DAGLA: variants seen among roughly 807,000 people sequenced by gnomAD.
DAGLA encodes diacylglycerol lipase-alpha.
DAGLA carries 22 observed loss-of-function variants against 102.6 expected under a neutral mutation model. The observed-to-expected ratio is 0.21, with a 90% confidence interval of 0.15 to 0.31. The LOEUF (loss-of-function observed/expected upper bound fraction) is 0.31, where lower values mean the gene tolerates loss of function less well. DAGLA is among the 10% of genes least tolerant of loss of function. The pLI is 1.00. For synonymous variants in DAGLA, 578 were observed against 628.9 expected (o/e 0.92, Z 1.21); for missense variants, 927 against 1,446.6 (o/e 0.64, Z 5.83).
In DAGLA at chr11:61,744,434, C is replaced by G; in HGVS notation, c.3074C>G (p.Thr1025Ser). The G allele has an allele frequency of 6.2e-6, 10 of 1,602,778 alleles. No individual in the cohort carries two copies. The highest frequency in any genetic ancestry group is 7.7e-6 in the Non-Finnish European group (9 of 1,173,182). Residue 1025 changes from threonine (T) to serine (S), a missense_variant, in exon 20 of 20, where the codon ACT becomes AGT. By Grantham distance (58) the Thr-to-Ser change is moderately conservative (BLOSUM62 1). Coordinates refer to ENST00000257215, the MANE Select transcript of DAGLA (RefSeq NM_006133.3). The stretch of plus-strand genomic sequence containing the variant: ...GACAAGATCCGGACTTCTACCCCCA[C>G]TGGCCACGGAGCCAGCCCCGCCAAG... The part of the protein sequence containing the change: ...AADKIRTSTP[T>S]GHGASPAKQD...
chr11:61,740,734 C>A (rs1591055022), intron 18 of DAGLA, 142 bp downstream of exon 18: 1 of 1,132,520 alleles, frequency 8.8e-7, no homozygotes, highest in Non-Finnish European at 1.3e-6. Context: ...GGCCAGAAAG[C>A]CCCACTCAAA....
chr11:61,696,819 G>T (rs1260900051), intron 1 of DAGLA, among the ~76,000 whole-genome samples: 2 of 152,160 alleles, frequency 1.3e-5, no homozygotes, highest in Non-Finnish European at 2.9e-5. Context: ...TAGGGGGCTG[G>T]GGGAGGACTG....
intron 1 of DAGLA, among the ~76,000 whole-genome samples, chr11:61,682,205 T>C (rs1294600437): frequency 1.3e-5 from 2 of 152,086 alleles, no homozygotes; most frequent in Non-Finnish European, 2.9e-5. Context: ...GCATGTCACA[T>C]GGTGGTCTGG....
intron 2 of DAGLA, 92 bp downstream of exon 2, chr11:61,720,342 C>A: frequency 7.6e-7 from 1 of 1,318,864 alleles, no homozygotes; most frequent in Admixed American, 1.8e-5. Context: ...CTGCTTGGGC[C>A]CAAGTCCCAA....
chr11:61,705,324 C>G (rs985547177), intron 1 of DAGLA, among the ~76,000 whole-genome samples: 1 of 152,214 alleles, frequency 6.6e-6, no homozygotes, highest in Admixed American at 6.5e-5. Flanking sequence ...TCTTCACCCT[C>G]GCACCCACCT....
intron 8 of DAGLA, 118 bp downstream of exon 8, chr11:61,729,126 G>T (rs1339269974): frequency 2.3e-6 from 2 of 854,740 alleles, no homozygotes; most frequent in Non-Finnish European, 3.9e-6. Context: ...CCCCTGCCCG[G>T]TCTCCCCCCG....
At chr11:61,689,791 A>T (rs1016802632) in intron 1 of DAGLA, among the ~76,000 whole-genome samples, 3 of 152,130 alleles carry the variant, frequency 2.0e-5, no homozygotes, top group African/African-American at 7.2e-5. Context: ...GGAGTGAGCC[A>T]CTGTGCCTGG....
At position 61,694,185 on chromosome 11, in the gene DAGLA, G is replaced by A. The variant is rs116262096; in HGVS notation, c.-45+13681G>A. ...GTAGGATTCGGGGAATCAGGGAGGC[G>A]TGGCATCTGAGTTCCCTGGGCCTCT... is the stretch of plus-strand genomic sequence containing the variant. On this transcript the variant is annotated intron_variant, in intron 1 of 19. Transcript: ENST00000257215. Among the ~76,000 whole-genome samples, 770 of 152,364 alleles carry A rather than the reference G, an allele frequency of 5.1e-3. 6 individuals carry two copies. The highest frequency in any genetic ancestry group is 0.018 in the African/African-American group (739 of 41,580).
chr11:61,728,815 G>C, intron 7 of DAGLA, 116 bp from the exon 8 acceptor site: 2 of 832,126 alleles, frequency 2.4e-6, no homozygotes, highest in Non-Finnish European at 4.0e-6. Context: ...CTGCATGCTC[G>C]TTTGGGCTTC....
chr11:61,700,060 G>T (rs1021247169), intron 1 of DAGLA, among the ~76,000 whole-genome samples: 1 of 152,220 alleles, frequency 6.6e-6, no homozygotes, highest in Non-Finnish European at 1.5e-5. Flanking sequence ...CCTCGCCCGC[G>T]CAGAGCATGT....
chr11:61,727,453 C>G (rs2065338083), intron 6 of DAGLA, among the ~76,000 whole-genome samples: 1 of 152,194 alleles, frequency 6.6e-6, no homozygotes, highest in South Asian at 2.1e-4. Context: ...CGTCTCCTAA[C>G]AGGTTAGGGA....
chr11:61,703,476 G>C (rs916422225), intron 1 of DAGLA, among the ~76,000 whole-genome samples: 48 of 152,236 alleles, frequency 3.2e-4, no homozygotes, highest in African/African-American at 1.2e-3. Context: ...CAGGCTAGAG[G>C]AGGAGTGAGG....
chr11:61,701,103 C>T (rs1178363702), intron 1 of DAGLA, among the ~76,000 whole-genome samples: 1 of 152,226 alleles, frequency 6.6e-6, no homozygotes, highest in African/African-American at 2.4e-5. Flanking sequence ...ATGGCCAGGC[C>T]CCATGTCCAG....
intron 1 of DAGLA, among the ~76,000 whole-genome samples, chr11:61,707,668 G>A (rs557281417): frequency 6.6e-6 from 1 of 152,390 alleles, no homozygotes; most frequent in South Asian, 2.1e-4. Flanking sequence ...GACAGGCACT[G>A]AGCAGGCCTC....
chr11:61,724,927 A>G (rs1182923647), intron 5 of DAGLA, among the ~76,000 whole-genome samples: 1 of 152,132 alleles, frequency 6.6e-6, no homozygotes, highest in Non-Finnish European at 1.5e-5. Flanking sequence ...TAGCCCTGGA[A>G]GACCCTGTTG....
chr11:61,708,068 C>T (rs903053442), intron 1 of DAGLA, among the ~76,000 whole-genome samples: 1 of 152,062 alleles, frequency 6.6e-6, no homozygotes, highest in Admixed American at 6.5e-5. Flanking sequence ...AGTGCAGTGA[C>T]GCAGTCTCGG....
intron 1 of DAGLA, among the ~76,000 whole-genome samples, chr11:61,718,667 A>T (rs2065256948): frequency 6.6e-6 from 1 of 150,860 alleles, no homozygotes; most frequent in Admixed American, 6.6e-5. Context: ...TGCCTCCCAG[A>T]AGCTGAGCTC....
chr11:61,708,673 A>G (rs1243966170), intron 1 of DAGLA, among the ~76,000 whole-genome samples: 3 of 151,982 alleles, frequency 2.0e-5, no homozygotes, highest in East Asian at 1.9e-4. Context: ...GTGAGCCACC[A>G]CGCCCAGCCT....
At chr11:61,698,688 G>T (rs1384741768) in intron 1 of DAGLA, among the ~76,000 whole-genome samples, 3 of 152,192 alleles carry the variant, frequency 2.0e-5, no homozygotes, top group Non-Finnish European at 4.4e-5. Flanking sequence ...GAGCTGGCCC[G>T]GGGGCCTTGT....
Sources: gnomAD v4.1 joint callset for allele counts (sites outside exome capture counted in the v4.1 genomes callset) on GRCh38, gnomAD v4.1.1 for gene constraint, MANE v1.5 for transcripts, NCBI Gene and HGNC (gene_info 2026-07-23, HGNC 2026-07-21) for gene names.